The following RAB31 variants were observed in gnomAD, a reference collection of about 807,000 sequenced individuals.
RAB31 encodes ras-related protein Rab-31.
Under a neutral mutation model 25.6 loss-of-function variants are expected in RAB31, and 21 were observed. That is an observed-to-expected ratio of 0.82 (90% CI 0.58 to 1.18). The LOEUF (loss-of-function observed/expected upper bound fraction) is 1.18, where lower values mean the gene tolerates loss of function less well. Among genes scored for constraint, RAB31 ranks in the 50% most tolerant of loss-of-function variants. The pLI is 0.00. For missense variants in RAB31, 196 were observed against 250.1 expected (o/e 0.78, Z 1.46); for synonymous variants, 87 against 84.0 (o/e 1.04, Z -0.20).
At chr18:9,819,218 T>G (rs1215861837) in intron 5 of RAB31, among the ~76,000 whole-genome samples, 1 of 152,220 alleles carries the variant, frequency 6.6e-6, no homozygotes, top group Non-Finnish European at 1.5e-5. Flanking sequence ...CATTTAGGTC[T>G]GTCATCCATT....
chr18:9,807,236 T>C (rs1412570549), intron 3 of RAB31, among the ~76,000 whole-genome samples: 1 of 152,178 alleles, frequency 6.6e-6, no homozygotes, highest in Non-Finnish European at 1.5e-5. Flanking sequence ...TGATGGGGCA[T>C]GTTCGGAGGC....
At chr18:9,725,311 A>G (rs2068091955) in intron 1 of RAB31, among the ~76,000 whole-genome samples, 1 of 152,226 alleles carries the variant, frequency 6.6e-6, no homozygotes, top group Non-Finnish European at 1.5e-5. Context: ...AGGAATAGCA[A>G]GAATTTGTGA....
chr18:9,711,253 T>G (rs994446041), intron 1 of RAB31, among the ~76,000 whole-genome samples: 1 of 152,164 alleles, frequency 6.6e-6, no homozygotes, highest in Non-Finnish European at 1.5e-5. Flanking sequence ...GGTGCCATCA[T>G]AGCTCACTGC....
chr18:9,732,419 G>C (rs1479392595), intron 1 of RAB31, among the ~76,000 whole-genome samples: 1 of 152,242 alleles, frequency 6.6e-6, no homozygotes, highest in East Asian at 1.9e-4. Context: ...TCCTCCCCTG[G>C]AATACATTAG....
At chr18:9,800,780 G>GCC (rs5823071) in intron 3 of RAB31, among the ~76,000 whole-genome samples, 2 of 151,872 alleles carry the variant, frequency 1.3e-5, no homozygotes, top group Admixed American at 6.5e-5. Flanking sequence ...AGTATGACCA[G>GCC]CCCCCCTTTT....
chr18:9,729,739 A>T (rs562836770), intron 1 of RAB31, among the ~76,000 whole-genome samples: 2 of 141,372 alleles, frequency 1.4e-5, no homozygotes, highest in Non-Finnish European at 3.0e-5. Context: ...CTGACATGTT[A>T]TCTTTGTCAT....
At chr18:9,859,084 G>C (rs1202481295) in intron 6 of RAB31, 144 bp from the exon 7 acceptor site, 2 of 650,086 alleles carry the variant, frequency 3.1e-6, no homozygotes, top group East Asian at 5.6e-5. Context: ...GGAAGGAAAG[G>C]AAGGAAGGAG....
intron 1 of RAB31, among the ~76,000 whole-genome samples, chr18:9,759,854 G>A (rs2068279005): frequency 6.6e-6 from 1 of 152,102 alleles, no homozygotes; most frequent in Admixed American, 6.5e-5. Context: ...GGATCTTGGG[G>A]TGCTGGGGGC....
Position 9,861,654 on chromosome 18 carries a change from T to A in RAB31, c.*2329T>A, listed in dbSNP as rs778879127. ...TGAACCATAACCATGTAATATTATG[T>A]AAAGGCCTGGAAATTACTGTTGCTA... On this transcript the variant is annotated 3_prime_UTR_variant, in exon 7 of 7. Transcript: ENST00000578921. 3 of 152,222 alleles carry A rather than the reference T, an allele frequency of 2.0e-5. No homozygotes were observed. The highest frequency in any genetic ancestry group is 4.4e-5 in the Non-Finnish European group (3 of 68,038). The allele number at this position is 152,222 out of a possible 1,614,324, so 9.4% of individuals were successfully genotyped here.
At chr18:9,842,518 C>A (rs1438415193) in intron 5 of RAB31, among the ~76,000 whole-genome samples, 2 of 152,162 alleles carry the variant, frequency 1.3e-5, no homozygotes, top group African/African-American at 4.8e-5. Context: ...GTAATGGGAG[C>A]ATATTTTGGC....
chr18:9,841,017 T>C (rs894544958), intron 5 of RAB31, among the ~76,000 whole-genome samples: 7 of 151,984 alleles, frequency 4.6e-5, no homozygotes, highest in African/African-American at 1.7e-4. Context: ...AGCCCCAAAC[T>C]CACCAGGCTC....
intron 6 of RAB31, among the ~76,000 whole-genome samples, chr18:9,854,361 C>T (rs1307408874): frequency 1.3e-5 from 2 of 152,166 alleles, no homozygotes; most frequent in East Asian, 1.9e-4. Flanking sequence ...TGATTCCCCT[C>T]GTGCAGGTGC....
intron 1 of RAB31, among the ~76,000 whole-genome samples, chr18:9,771,783 G>A (rs1159317906): frequency 1.3e-5 from 2 of 152,208 alleles, no homozygotes; most frequent in Non-Finnish European, 2.9e-5. Context: ...TTGCAGAAAT[G>A]TTTCCCTTTC....
At chr18:9,741,937 G>C (rs541802569) in intron 1 of RAB31, among the ~76,000 whole-genome samples, 6 of 152,240 alleles carry the variant, frequency 3.9e-5, no homozygotes, top group African/African-American at 1.4e-4. Context: ...CAGGAAATGT[G>C]AGTCAGTGGC....
At chr18:9,832,527 G>A (rs151283289) in intron 5 of RAB31, among the ~76,000 whole-genome samples, 1 of 152,256 alleles carries the variant, frequency 6.6e-6, no homozygotes, top group Non-Finnish European at 1.5e-5. Context: ...AACGCTTGCA[G>A]GCGAAGGAGG....
chr18:9,767,298 G>A (rs2068321146), intron 1 of RAB31, among the ~76,000 whole-genome samples: 1 of 152,180 alleles, frequency 6.6e-6, no homozygotes, highest in Admixed American at 6.5e-5. Flanking sequence ...ACTACATTCT[G>A]AGGAATGGAA....
chr18:9,741,123 C>G (rs993111437), intron 1 of RAB31, among the ~76,000 whole-genome samples: 3 of 151,988 alleles, frequency 2.0e-5, no homozygotes, highest in African/African-American at 7.2e-5. Context: ...CGCCTGTAAT[C>G]CCAGCACTTT....
At chr18:9,720,307 G>C (rs1320694160) in intron 1 of RAB31, among the ~76,000 whole-genome samples, 1 of 152,148 alleles carries the variant, frequency 6.6e-6, no homozygotes, top group Non-Finnish European at 1.5e-5. Context: ...GGTGCTATGC[G>C]GTAGTTTCTG....
chr18:9,741,417 G>C (rs2068178666), intron 1 of RAB31, among the ~76,000 whole-genome samples: 1 of 150,102 alleles, frequency 6.7e-6, no homozygotes, highest in Non-Finnish European at 1.5e-5. Flanking sequence ...AGCTGCTCTG[G>C]GCACCCCTGG....
Sources: gnomAD v4.1 joint callset for allele counts (sites outside exome capture counted in the v4.1 genomes callset) on GRCh38, gnomAD v4.1.1 for gene constraint, MANE v1.5 for transcripts, NCBI Gene and HGNC (gene_info 2026-07-23, HGNC 2026-07-21) for gene names.